PDILT: variants seen among roughly 807,000 people sequenced by gnomAD.
The protein encoded by PDILT is protein disulfide isomerase like, testis expressed.
Under a neutral mutation model 53.7 loss-of-function variants are expected in PDILT, and 43 were observed. The observed-to-expected ratio is 0.80, with a 90% CI of 0.63 to 1.03. PDILT has a LOEUF of 1.03. Ranked by LOEUF, PDILT falls within the 50% of genes least tolerant of loss-of-function variation. The probability of loss-of-function intolerance (pLI) is 0.00; values close to 1 mark genes in which losing one functional copy is unlikely to be tolerated. For missense variants in PDILT, 727 were observed against 712.3 expected, an observed-to-expected ratio of 1.02 and a Z score of -0.24; for synonymous variants, 282 against 274.2, an observed-to-expected ratio of 1.03 and a Z score of -0.28.
intron 8 of PDILT, among the ~76,000 whole-genome samples, chr16:20,366,874 G>A (rs941604420): frequency 6.6e-6 from 1 of 152,074 alleles, no homozygotes; most frequent in East Asian, 1.9e-4. Context: ...TTCTCTATAA[G>A]CAGGGCTCTA....
chr16:20,367,559 T>C (rs1313921199), intron 8 of PDILT, among the ~76,000 whole-genome samples: 1 of 152,142 alleles, frequency 6.6e-6, no homozygotes, highest in East Asian at 1.9e-4. Context: ...AGAAGACATG[T>C]TGGCCTTTGC....
chr16:20,379,733 A>G (rs1966436245), intron 3 of PDILT, among the ~76,000 whole-genome samples: 1 of 152,236 alleles, frequency 6.6e-6, no homozygotes, highest in Non-Finnish European at 1.5e-5. Context: ...CAACTTTAGT[A>G]GATATAGTTA....
chr16:20,401,974 A>G (rs1046365874), intron 1 of PDILT, among the ~76,000 whole-genome samples: 2 of 152,220 alleles, frequency 1.3e-5, no homozygotes, highest in African/African-American at 4.8e-5. Flanking sequence ...ATCAAGCCCC[A>G]CTGGCTAGTG....
At chr16:20,377,534 G>A (rs2141602839) in intron 3 of PDILT, among the ~76,000 whole-genome samples, 1 of 152,268 alleles carries the variant, frequency 6.6e-6, no homozygotes, top group South Asian at 2.1e-4. Flanking sequence ...GCATGAACAA[G>A]GGCATCATTA....
chr16:20,362,405 T>A lies in PDILT; in HGVS notation c.1415A>T (p.Gln472Leu). Residue 472 changes from glutamine to leucine, a missense_variant and splice_region_variant, in exon 10 of 12, where the codon CAA becomes CTA. Gln to Leu is a moderately radical substitution (Grantham distance 113). Coordinates refer to ENST00000302451, the MANE Select transcript of PDILT (RefSeq NM_174924.2). ...FFRLFPSGSQ[Q>L]AVLYKGEHTL... ...ATGTGCGTCCCAAGAGCCCCTCACT[T>A]GTTGAGAGCCGCTGGGGAACAGCCT... The A allele has an allele frequency of 6.2e-7, 1 of 1,613,950 alleles. No homozygotes were observed. Among genetic ancestry groups the A allele is most frequent in the Non-Finnish European group, 8.5e-7 (1 of 1,179,906 alleles).
chr16:20,396,004 A>G (rs1259636471), intron 2 of PDILT, among the ~76,000 whole-genome samples: 1 of 152,216 alleles, frequency 6.6e-6, no homozygotes, highest in Non-Finnish European at 1.5e-5. Context: ...CAAACAGACA[A>G]AGACATCACC....
chr16:20,384,867 G>A lies in PDILT; in HGVS notation c.203-16C>T, dbSNP rs1966512764. On this transcript the variant is annotated splice_polypyrimidine_tract_variant and intron_variant, in intron 2 of 11. Coordinates refer to ENST00000302451, the MANE Select transcript of PDILT (RefSeq NM_174924.2). ...GATGGGTTGTCTGAAAGAGTATGAA[G>A]ACAAAATTTGAGAGGCCTTTCCTCG... is the stretch of plus-strand genomic sequence containing the variant. 3.1e-6 allele frequency: 5 copies of A among 1,612,902 alleles called. No homozygotes were observed. The East Asian group carries it at 1.1e-4, about 36-fold the overall frequency.
intron 2 of PDILT, among the ~76,000 whole-genome samples, chr16:20,387,046 A>C (rs1966549022): frequency 6.6e-6 from 1 of 152,120 alleles, no homozygotes; most frequent in African/African-American, 2.4e-5. Flanking sequence ...ATAGTAATGG[A>C]GATTCATTCA....
chr16:20,377,524 G>A (rs1208522568), intron 3 of PDILT, among the ~76,000 whole-genome samples: 1 of 152,162 alleles, frequency 6.6e-6, no homozygotes, highest in African/African-American at 2.4e-5. Context: ...TCAAATAAAT[G>A]CATGAACAAG....
At position 20,373,241 on chromosome 16, in the gene PDILT, G is replaced by T. The variant is rs1240647759; in HGVS notation, c.682-119C>A. ...AGGAAAGCACTGAGGAATGGTATCA[G>T]GTGTAGTCTGTAATCTAGGTAGTTA... On this transcript the variant is annotated intron_variant, in intron 5 of 11. Coordinates refer to ENST00000302451, the MANE Select transcript of PDILT (RefSeq NM_174924.2). 9 of 819,624 alleles carry T rather than the reference G, an allele frequency of 1.1e-5. No individual in the cohort carries two copies. In the East Asian group the frequency reaches 2.0e-4, roughly 19 times the overall value. The allele number at this position is 819,624 out of a possible 1,614,324, so 50.8% of individuals were successfully genotyped here. A position where few individuals can be genotyped will look rare whatever the true frequency, so the allele number is the denominator to read the frequency against.
chr16:20,384,574 A>T, intron 3 of PDILT, 71 bp downstream of exon 3: 2 of 1,578,744 alleles, frequency 1.3e-6, no homozygotes, highest in Non-Finnish European at 8.7e-7. Flanking sequence ...AGAGCCTCCC[A>T]CCTTTACCCT....
chr16:20,390,840 C>A (rs1381834172), intron 2 of PDILT: 1 of 152,204 alleles, frequency 6.6e-6, no homozygotes, highest in African/African-American at 2.4e-5. Flanking sequence ...AATGATCTAA[C>A]CTTTCTGACA....
At chr16:20,382,444 G>T (rs1056717560) in intron 3 of PDILT, among the ~76,000 whole-genome samples, 1 of 152,196 alleles carries the variant, frequency 6.6e-6, no homozygotes, top group African/African-American at 2.4e-5. Context: ...TGCATCAGCA[G>T]ATCTGAGTAG....
chr16:20,382,778 T>C (rs936562519), intron 3 of PDILT, among the ~76,000 whole-genome samples: 7 of 152,156 alleles, frequency 4.6e-5, no homozygotes, highest in African/African-American at 1.7e-4. Flanking sequence ...ATGGAAAAAC[T>C]GAGATTCGAC....
intron 7 of PDILT, among the ~76,000 whole-genome samples, chr16:20,372,396 C>T (rs1455325012): frequency 6.6e-6 from 1 of 152,188 alleles, no homozygotes; most frequent in Non-Finnish European, 1.5e-5. Context: ...CTACTCCCCA[C>T]CTTCAGGCTT....
chr16:20,367,190 C>T (rs974322956), intron 8 of PDILT, among the ~76,000 whole-genome samples: 5 of 151,750 alleles, frequency 3.3e-5, no homozygotes, highest in African/African-American at 1.2e-4. Flanking sequence ...GCAACCTCCA[C>T]CTCCCGAGTT....
chr16:20,380,592 TC>T (rs1379983853), intron 3 of PDILT, among the ~76,000 whole-genome samples: 2 of 152,348 alleles, frequency 1.3e-5, no homozygotes, highest in East Asian at 3.9e-4. Flanking sequence ...CGCCTTGGCC[TC>T]CCAAAGTGCT....
chr16:20,360,446 C>T (rs761379246), intron 11 of PDILT, 122 bp downstream of exon 11: 10 of 909,152 alleles, frequency 1.1e-5, no homozygotes, highest in Non-Finnish European at 1.8e-5. Flanking sequence ...GGATGCTTCT[C>T]CATCCATCCT....
At chr16:20,375,356 A>G (rs1966369793) in intron 4 of PDILT, among the ~76,000 whole-genome samples, 1 of 152,188 alleles carries the variant, frequency 6.6e-6, no homozygotes, top group South Asian at 2.1e-4. Flanking sequence ...AAAGAAAATC[A>G]AGGCCAAACA....
Sources: gnomAD v4.1 joint callset for allele counts (sites outside exome capture counted in the v4.1 genomes callset) on GRCh38, gnomAD v4.1.1 for gene constraint, MANE v1.5 for transcripts, NCBI Gene and HGNC (gene_info 2026-07-23, HGNC 2026-07-21) for gene names.